CPSF3: variants seen among roughly 807,000 people sequenced by gnomAD.
CPSF3 encodes the protein cleavage and polyadenylation specific factor 3, also known as cleavage and polyadenylation specificity factor subunit 3.
CPSF3 carries 57 observed loss-of-function variants against 84.1 expected under a neutral mutation model. The observed-to-expected ratio is 0.68, with a 90% CI of 0.55 to 0.85. The LOEUF (loss-of-function observed/expected upper bound fraction) is 0.85. CPSF3 is among the 40% of genes least tolerant of loss of function. The pLI is 0.00. For missense variants in CPSF3, 522 were observed against 838.8 expected (o/e 0.62, Z 4.66); for synonymous variants, 275 against 278.1 (o/e 0.99, Z 0.11).
At chr2:9,432,239 T>A (rs1401164520) in intron 4 of CPSF3, among the ~76,000 whole-genome samples, 1 of 152,226 alleles carries the variant, frequency 6.6e-6, no homozygotes, top group Admixed American at 6.5e-5. Context: ...TTTGTCTTAA[T>A]TTATTGTATG....
intron 9 of CPSF3, among the ~76,000 whole-genome samples, chr2:9,442,256 C>G (rs1680978444): frequency 6.6e-6 from 1 of 152,108 alleles, no homozygotes; most frequent in Non-Finnish European, 1.5e-5. Context: ...CTGTTTGAGA[C>G]AAACACGTGA....
In CPSF3 at chr2:9,455,701, C is replaced by A; in HGVS notation, c.1547C>A (p.Ala516Asp). Residue 516 changes from alanine to aspartate, a missense_variant, in exon 13 of 18, where the codon GCC (alanine) becomes GAC (aspartate). Around this residue, in one of 2 missense-constraint regions of CPSF3, gnomAD observed 193 missense variants for 231.6 expected, o/e 0.83. Coordinates refer to ENST00000238112, the MANE Select transcript of CPSF3 (RefSeq NM_016207.4). Reference sequence around the variant, plus strand: ...ATGAGCACGGTGAAGCAGACCCAAGCCATTCCATATACTGGTCCCTTTAAT... The same window carrying A: ...ATGAGCACGGTGAAGCAGACCCAAGACATTCCATATACTGGTCCCTTTAAT... Reference protein sequence around the residue: ...LAMSTVKQTQAIPYTGPFNLL... With the variant: ...LAMSTVKQTQDIPYTGPFNLL... 6.2e-7 allele frequency: 1 copy of A among 1,614,086 alleles called. No individual in the cohort carries two copies. Among genetic ancestry groups the A allele is most frequent in the Non-Finnish European group, 8.5e-7 (1 of 1,179,970 alleles).
chr2:9,443,459 A>G, intron 9 of CPSF3, 56 bp from the exon 10 acceptor site: 1 of 1,535,186 alleles, frequency 6.5e-7, no homozygotes, highest in Non-Finnish European at 8.8e-7. Context: ...ATGAAAATGT[A>G]CCTTTACGAT....
Position 9,443,721 on chromosome 2 carries a change from T to C in CPSF3, c.1242+60T>C, listed in dbSNP as rs1681031094. Reference sequence around the variant, plus strand: ...GAAAAAAAGTGCATACCCAGGAAACTGTGCAGCAGGCAGTTCACAAAGCAG... The same window carrying C: ...GAAAAAAAGTGCATACCCAGGAAACCGTGCAGCAGGCAGTTCACAAAGCAG... On this transcript the variant is annotated intron_variant, in intron 10 of 17. Transcript: ENST00000238112. The C allele has an allele frequency of 8.3e-6, 13 of 1,573,920 alleles. No individual in the cohort carries two copies. The South Asian group carries it at 1.3e-4, about 15-fold the overall frequency.
chr2:9,466,330 GCACGCACACA>G (rs1681952162), intron 15 of CPSF3, among the ~76,000 whole-genome samples: 1 of 124,332 alleles, frequency 8.0e-6, no homozygotes, highest in African/African-American at 4.0e-5. Context: ...GCACACAGAC[GCACGCACACA>G]CGCGCGCGCG....
chr2:9,447,233 A>G (rs1353077051), intron 10 of CPSF3, among the ~76,000 whole-genome samples: 1 of 152,252 alleles, frequency 6.6e-6, no homozygotes, highest in South Asian at 2.1e-4. Flanking sequence ...TAATCCTAGC[A>G]TTTTGGGAGG....
In CPSF3 at chr2:9,473,028, G is replaced by C; in HGVS notation, c.*11G>C. 6.3e-7 allele frequency: 1 copy of C among 1,586,600 alleles called. No homozygotes were observed. Among genetic ancestry groups the C allele is most frequent in the Non-Finnish European group, 8.6e-7 (1 of 1,159,018 alleles). On this transcript the variant is annotated 3_prime_UTR_variant, in exon 18 of 18. Transcript: ENST00000238112. Reference sequence around the variant, plus strand: ...ACGCCAGTTCACTGAGACTGTGCCTGTATATGAACTTTGAAAAAATACTTG... The same window carrying C: ...ACGCCAGTTCACTGAGACTGTGCCTCTATATGAACTTTGAAAAAATACTTG...
rs753183078 is a variant in CPSF3, at chr2:9,428,847, C to T, written c.114+19C>T. ...AATAATGGTAATTACTATTTTTGTA[C>T]TCAGTTTAATAGTATGGCTCTGTCT... On this transcript the variant is annotated intron_variant, in intron 2 of 17. Coordinates refer to ENST00000238112, the MANE Select transcript of CPSF3 (RefSeq NM_016207.4). 1.2e-5 allele frequency: 17 copies of T among 1,443,354 alleles called. No homozygotes were observed. Among genetic ancestry groups the T allele is most frequent in the Non-Finnish European group, 1.6e-5 (16 of 1,024,962 alleles). The allele number at this position is 1,443,354 out of a possible 1,614,324, so 89.4% of individuals were successfully genotyped here.
intron 7 of CPSF3, among the ~76,000 whole-genome samples, chr2:9,436,757 C>A (rs1024687495): frequency 1.7e-5 from 1 of 60,112 alleles, no homozygotes; most frequent in East Asian, 2.2e-4. Context: ...GGCGACAGAG[C>A]GAGACTCCAT....
At chr2:9,453,091 TTC>T in intron 12 of CPSF3, 70 bp downstream of exon 12, 3 of 943,790 alleles carry the variant, frequency 3.2e-6, no homozygotes, top group Non-Finnish European at 4.8e-6. Context: ...AAAACTTCTC[TTC>T]ACCTTGTGGC....
chr2:9,450,901 A>G (rs1461064524), intron 11 of CPSF3, among the ~76,000 whole-genome samples: 1 of 152,186 alleles, frequency 6.6e-6, no homozygotes, highest in South Asian at 2.1e-4. Context: ...AGCAAAACTT[A>G]GGGTATGAGG....
Position 9,448,320 on chromosome 2 carries a change from C to G in CPSF3, c.1365C>G (p.Thr455=). The G allele has an allele frequency of 6.2e-7, 1 of 1,612,716 alleles. No homozygotes were observed. The highest frequency in any genetic ancestry group is 8.5e-7 in the Non-Finnish European group (1 of 1,179,404). The part of the protein sequence containing the change: ...VHNPRNTEAV[T]LNFRGEKLAK... ...ATCCTCGGAATACAGAAGCAGTGAC[C>G]TTAAACTTCAGAGGAGAAAAACTAG... Residue 455 remains threonine (T), a synonymous_variant, in exon 11 of 18, where the codon ACC becomes ACG. Transcript: ENST00000238112.
At chr2:9,466,416 G>A (rs1029220879) in intron 15 of CPSF3, among the ~76,000 whole-genome samples, 13 of 141,006 alleles carry the variant, frequency 9.2e-5, no homozygotes, top group East Asian at 2.1e-4. Context: ...GCGCACACAC[G>A]CACACGCGCA....
At chr2:9,464,069 ATGTG>A (rs59473921) in intron 15 of CPSF3, among the ~76,000 whole-genome samples, 8 of 149,104 alleles carry the variant, frequency 5.4e-5, no homozygotes, top group African/African-American at 1.2e-4. Flanking sequence ...TCTGTGGTGT[ATGTG>A]TGTGTGTGTG....
At chr2:9,472,740 A>C (rs1682219855) in intron 17 of CPSF3, among the ~76,000 whole-genome samples, 176 bp from the exon 18 acceptor site, 1 of 152,058 alleles carries the variant, frequency 6.6e-6, no homozygotes, top group African/African-American at 2.4e-5. Flanking sequence ...TGCAGCCTCA[A>C]CCTTCCCGGC....
Position 9,432,790 on chromosome 2 carries a change from G to C in CPSF3, c.519+102G>C, listed in dbSNP as rs1680636517. On this transcript the variant is annotated intron_variant, in intron 5 of 17. Transcript: ENST00000238112. ...AAAAATTCCCTAAGACTTGCAAAGT[G>C]TCAGAACACGGAAACATAAGATAAA... The C allele has an allele frequency of 8.0e-6, 7 of 872,412 alleles. No homozygotes were observed. In the East Asian group the frequency reaches 2.1e-4, roughly 26 times the overall value. The allele number at this position is 872,412 out of a possible 1,614,324, so 54.0% of individuals were successfully genotyped here. A position where few individuals can be genotyped will look rare whatever the true frequency, so the allele number is the denominator to read the frequency against.
At chr2:9,448,974 T>G (rs1681222810) in intron 11 of CPSF3, among the ~76,000 whole-genome samples, 1 of 152,234 alleles carries the variant, frequency 6.6e-6, no homozygotes, top group African/African-American at 2.4e-5. Flanking sequence ...GTAGCCAGTA[T>G]AGCCTTGTGT....
At chr2:9,455,008 A>C (rs1681474132) in intron 12 of CPSF3, among the ~76,000 whole-genome samples, 1 of 152,136 alleles carries the variant, frequency 6.6e-6, no homozygotes, top group Non-Finnish European at 1.5e-5. Context: ...AAAGCTTTGT[A>C]AATTAGGTAG....
intron 1 of CPSF3, among the ~76,000 whole-genome samples, chr2:9,425,146 G>A (rs1680333995): frequency 6.6e-6 from 1 of 152,216 alleles, no homozygotes; most frequent in Non-Finnish European, 1.5e-5. Flanking sequence ...GGGGGCCCAG[G>A]ATGTTCTAGG....
Sources: allele counts gnomAD v4.1 joint callset (sites outside exome capture counted in the v4.1 genomes callset), GRCh38; gene constraint gnomAD v4.1.1; regional missense constraint gnomAD v4.1.1; transcripts MANE v1.5; gene names NCBI Gene and HGNC (gene_info 2026-07-23, HGNC 2026-07-21).